The following LRP1B variants were observed in gnomAD, a reference collection of about 807,000 sequenced individuals.
LRP1B encodes the protein low-density lipoprotein receptor-related protein 1B.
Under a neutral mutation model 556.6 loss-of-function variants are expected in LRP1B, and 217 were observed. The observed-to-expected ratio is 0.39, with a 90% CI of 0.35 to 0.44. The LOEUF (loss-of-function observed/expected upper bound fraction) is 0.44. LRP1B is among the 20% of genes least tolerant of loss of function. The pLI is 1.00. For synonymous variants in LRP1B, 2,047 were observed against 1,865.8 expected (o/e 1.10, Z -2.50); for missense variants, 5,053 against 5,620.8 (o/e 0.90, Z 3.23).
intron 1 of LRP1B, among the ~76,000 whole-genome samples, chr2:141,830,819 G>A (rs964789973): frequency 1.3e-5 from 2 of 151,692 alleles, no homozygotes; most frequent in Non-Finnish European, 3.0e-5. Flanking sequence ...CAAGACACTG[G>A]GTCCCAAACT....
chr2:141,966,913 G>C (rs1293380098), intron 1 of LRP1B, among the ~76,000 whole-genome samples: 3 of 151,842 alleles, frequency 2.0e-5, no homozygotes, highest in Non-Finnish European at 4.4e-5. Context: ...ACTTCAGCCA[G>C]AGTTCAGGAT....
intron 7 of LRP1B, among the ~76,000 whole-genome samples, chr2:141,069,243 A>C (rs2105479700): frequency 6.6e-6 from 1 of 152,146 alleles, no homozygotes; most frequent in Non-Finnish European, 1.5e-5. Flanking sequence ...CTTTCTTTCA[A>C]CTTGCCTTTC....
chr2:142,124,913 G>A lies in LRP1B; in HGVS notation c.82+5735C>T, dbSNP rs139445268. ...TACTTTTTTTTTTTACAGGATGTAT[G>A]GCTATTATTTAATAGTTTTGATTTC... On this transcript the variant is annotated intron_variant, in intron 1 of 90. Coordinates refer to ENST00000389484, the MANE Select transcript of LRP1B (RefSeq NM_018557.3). 6.1e-3 allele frequency among the ~76,000 whole-genome samples: 924 copies of A among 151,490 alleles called. 21 individuals carry two copies. The highest frequency in any genetic ancestry group is 0.056 in the East Asian group (287 of 5,154).
At chr2:140,922,090 A>G (rs910181831) in intron 21 of LRP1B, among the ~76,000 whole-genome samples, 3 of 152,024 alleles carry the variant, frequency 2.0e-5, no homozygotes, top group African/African-American at 7.2e-5. Flanking sequence ...GATGATACCA[A>G]CCATTTCACA....
At chr2:141,478,156 T>A (rs535313214) in intron 3 of LRP1B, among the ~76,000 whole-genome samples, 1 of 152,202 alleles carries the variant, frequency 6.6e-6, no homozygotes, top group Non-Finnish European at 1.5e-5. Context: ...TCAAATACTT[T>A]GTTTTTATTT....
Position 141,059,065 on chromosome 2 carries a change from G to T in LRP1B, c.1237-11C>A. ...ATAAAGATGTCTAACCTATAAAGAG[G>T]GCAAAACATAACTATGATTTTTAAT... On this transcript the variant is annotated splice_polypyrimidine_tract_variant and intron_variant, in intron 8 of 90. Transcript: ENST00000389484. 1.4e-6 allele frequency: 2 copies of T among 1,436,138 alleles called. No individual in the cohort carries two copies. Among genetic ancestry groups the T allele is most frequent in the South Asian group, 1.5e-5 (1 of 65,916 alleles). 89.0% of individuals were successfully genotyped at this position (1,436,138 alleles called of 1,614,324 possible).
rs146303117 is a variant in LRP1B at position 140,573,853 on chromosome 2, G to A, written c.7194+24778C>T. Among the ~76,000 whole-genome samples, 5 of 151,982 alleles carry A rather than the reference G, an allele frequency of 3.3e-5. No homozygotes were observed. The East Asian group carries it at 7.7e-4, about 24-fold the overall frequency. ...ATTACAACCTGGAGGATGTTGGCCCGGCAATTCTCACACTTTGAACTATTT... is the reference window on the plus strand; with the variant it reads ...ATTACAACCTGGAGGATGTTGGCCCAGCAATTCTCACACTTTGAACTATTT... On this transcript the variant is annotated intron_variant, in intron 43 of 90. Transcript: ENST00000389484.
chr2:141,704,518 A>G (rs2105467620), intron 2 of LRP1B, among the ~76,000 whole-genome samples: 1 of 152,066 alleles, frequency 6.6e-6, no homozygotes, highest in South Asian at 2.1e-4. Flanking sequence ...CCCTTAGAGA[A>G]CCACATAAGT....
chr2:141,879,453 T>C (rs143402336), intron 1 of LRP1B, among the ~76,000 whole-genome samples: 1 of 152,036 alleles, frequency 6.6e-6, no homozygotes, highest in Admixed American at 6.6e-5. Context: ...GTTAACAAAA[T>C]CAGTTTTTTA....
At chr2:141,547,823 T>C (rs1685606207) in intron 2 of LRP1B, among the ~76,000 whole-genome samples, 2 of 151,996 alleles carry the variant, frequency 1.3e-5, no homozygotes, top group Admixed American at 6.6e-5. Flanking sequence ...TTATAGTAAG[T>C]GTGGATACAA....
intron 43 of LRP1B, among the ~76,000 whole-genome samples, chr2:140,594,368 C>T (rs983308171): frequency 1.1e-4 from 16 of 152,140 alleles, no homozygotes; most frequent in Non-Finnish European, 7.4e-5. Flanking sequence ...ATAATGTTCA[C>T]GAGCATATTA....
At chr2:141,922,826 G>C (rs548023360) in intron 1 of LRP1B, among the ~76,000 whole-genome samples, 1 of 152,136 alleles carries the variant, frequency 6.6e-6, no homozygotes, top group African/African-American at 2.4e-5. Context: ...GTAGCCAGGC[G>C]TGGTGGCTCC....
chr2:142,080,649 C>A (rs1365262652), intron 1 of LRP1B, among the ~76,000 whole-genome samples: 1 of 152,100 alleles, frequency 6.6e-6, no homozygotes, highest in Admixed American at 6.5e-5. Context: ...TCTGCAATAG[C>A]AATTTCCTTT....
chr2:140,757,979 T>C (rs926930912), intron 35 of LRP1B, among the ~76,000 whole-genome samples: 7 of 152,322 alleles, frequency 4.6e-5, no homozygotes, highest in Non-Finnish European at 8.8e-5. Context: ...GTTTTCTTGA[T>C]GAAAAATTCT....
At chr2:140,835,140 C>T (rs758387074) in intron 31 of LRP1B, among the ~76,000 whole-genome samples, 10 of 152,100 alleles carry the variant, frequency 6.6e-5, no homozygotes, top group African/African-American at 7.2e-5. Flanking sequence ...CTCAGAGGGG[C>T]GGCAGACACA....
chr2:141,410,963 C>A (rs984905549), intron 3 of LRP1B, among the ~76,000 whole-genome samples: 1 of 151,730 alleles, frequency 6.6e-6, no homozygotes. Flanking sequence ...TTTTTTTAAA[C>A]TCTCCTAGCT....
intron 7 of LRP1B, among the ~76,000 whole-genome samples, chr2:141,137,332 G>A (rs1266787392): frequency 6.6e-6 from 1 of 151,792 alleles, no homozygotes; most frequent in African/African-American, 2.4e-5. Flanking sequence ...ATCATTCCTG[G>A]AACACTAGCC....
chr2:141,428,401 A>T (rs1246087172), intron 3 of LRP1B, among the ~76,000 whole-genome samples: 3 of 152,144 alleles, frequency 2.0e-5, no homozygotes, highest in African/African-American at 7.2e-5. Context: ...TGTACCCTAG[A>T]ACTTTAAGTA....
intron 11 of LRP1B, among the ~76,000 whole-genome samples, chr2:141,026,707 C>T (rs931695377): frequency 6.6e-6 from 1 of 152,032 alleles, no homozygotes; most frequent in Non-Finnish European, 1.5e-5. Context: ...TAACATCTTT[C>T]CATAAATATC....
Sources: allele counts gnomAD v4.1 joint callset (sites outside exome capture counted in the v4.1 genomes callset), GRCh38; gene constraint gnomAD v4.1.1; transcripts MANE v1.5; gene names NCBI Gene and HGNC (gene_info 2026-07-23, HGNC 2026-07-21).